Variants in GRIN2A observed in about 807,000 individuals in gnomAD.
GRIN2A encodes glutamate receptor ionotropic, NMDA 2A.
A neutral mutation model predicts 113.4 loss-of-function variants in GRIN2A; 22 were observed. The ratio of observed to expected loss-of-function variants is 0.19; its 90% CI spans 0.14 to 0.28. GRIN2A has a LOEUF of 0.28. Among genes scored for constraint, GRIN2A ranks in the 10% least tolerant of loss-of-function variants. The probability of loss-of-function intolerance (pLI) is 1.00; values close to 1 mark genes in which losing one functional copy is unlikely to be tolerated. For synonymous variants in GRIN2A, 827 were observed against 738.4 expected (o/e 1.12, Z -1.94); for missense variants, 1,502 against 1,887.0 (o/e 0.80, Z 3.78).
chr16:10,002,788 T>A (rs1206757940), intron 2 of GRIN2A, among the ~76,000 whole-genome samples: 1 of 152,236 alleles, frequency 6.6e-6, no homozygotes, highest in Non-Finnish European at 1.5e-5. Context: ...TGTGTTAAAA[T>A]CTTCCTATTT....
chr16:9,801,284 T>C (rs918064279), intron 10 of GRIN2A, among the ~76,000 whole-genome samples: 3 of 152,222 alleles, frequency 2.0e-5, no homozygotes, highest in African/African-American at 7.2e-5. Context: ...CATGGAGATA[T>C]AGAAACTTGG....
In GRIN2A at chr16:9,849,220, T is replaced by A. The variant is rs1311791765; in HGVS notation, c.1328+536A>T. On this transcript the variant is annotated intron_variant, in intron 5 of 12. Coordinates refer to ENST00000330684, the MANE Select transcript of GRIN2A (RefSeq NM_001134407.3). Reference sequence around the variant, plus strand: ...AAAATATATAATTTCTATATATTTATATATAATGTTTTATATTTTAATATA... The same window carrying A: ...AAAATATATAATTTCTATATATTTAAATATAATGTTTTATATTTTAATATA... Among the ~76,000 whole-genome samples the A allele has an allele frequency of 3.5e-5, 5 of 144,586 alleles. No individual in the cohort carries two copies. The East Asian group carries it at 7.8e-4, about 23-fold the overall frequency. 94.9% of individuals were successfully genotyped at this position (144,586 alleles called of 152,430 possible). A position where few individuals can be genotyped will look rare whatever the true frequency, so the allele number is the denominator to read the frequency against.
intron 2 of GRIN2A, among the ~76,000 whole-genome samples, chr16:10,007,949 CTT>C (rs1425608444): frequency 6.6e-6 from 1 of 152,162 alleles, no homozygotes; most frequent in Admixed American, 6.5e-5. Context: ...CATTCTACCT[CTT>C]TGAGCCTCTG....
intron 3 of GRIN2A, among the ~76,000 whole-genome samples, chr16:9,901,645 G>A (rs565423724): frequency 6.6e-6 from 1 of 152,070 alleles, no homozygotes; most frequent in African/African-American, 2.4e-5. Flanking sequence ...ATTTTTAGTA[G>A]AGAAGGGGTT....
At chr16:10,002,408 A>T (rs2046336518) in intron 2 of GRIN2A, among the ~76,000 whole-genome samples, 1 of 152,214 alleles carries the variant, frequency 6.6e-6, no homozygotes, top group Non-Finnish European at 1.5e-5. Context: ...CCCTAGGGAG[A>T]GCTGACCACA....
rs71157796 is a variant in GRIN2A at position 9,979,785 on chromosome 16, C to CTATATATATATATATATATATATATATA, written c.415-41235_415-41234insTATATATATATATATATATATATATATA. ...TATATACATATAAGGGACTATGGGA[C>CTATATATATATATATATATATATATATA]TATATATATATATATATATATATAT... On this transcript the variant is annotated intron_variant, in intron 2 of 12. Coordinates refer to ENST00000330684, the MANE Select transcript of GRIN2A (RefSeq NM_001134407.3). 1.0e-3 allele frequency among the ~76,000 whole-genome samples: 122 copies of CTATATATATATATATATATATATATATA among 122,250 alleles called. 1 individual carries two copies. The highest frequency in any genetic ancestry group is 4.7e-3 in the Middle Eastern group (1 of 212). The allele number at this position is 122,250 out of a possible 152,430, so 80.2% of individuals were successfully genotyped here.
At chr16:10,039,186 G>A (rs1229609043) in intron 2 of GRIN2A, among the ~76,000 whole-genome samples, 1 of 152,002 alleles carries the variant, frequency 6.6e-6, no homozygotes, top group Non-Finnish European at 1.5e-5. Context: ...GACAGTGAGT[G>A]GAAAAGAAAG....
At chr16:9,934,691 A>T (rs1487201903) in intron 3 of GRIN2A, among the ~76,000 whole-genome samples, 1 of 150,396 alleles carries the variant, frequency 6.6e-6, no homozygotes, top group Non-Finnish European at 1.5e-5. Flanking sequence ...AAAAAAAAAA[A>T]AAAAAAAAAA....
intron 2 of GRIN2A, among the ~76,000 whole-genome samples, chr16:10,041,085 A>T (rs1438911385): frequency 6.6e-6 from 1 of 152,280 alleles, no homozygotes; most frequent in African/African-American, 2.4e-5. Flanking sequence ...GCCAGATGTT[A>T]ATCAGCAGCA....
At chr16:10,140,728 G>C (rs2049310389) in intron 2 of GRIN2A, among the ~76,000 whole-genome samples, 1 of 152,156 alleles carries the variant, frequency 6.6e-6, no homozygotes, top group Non-Finnish European at 1.5e-5. Context: ...GGGCAAGTGA[G>C]GAAGAGGAGT....
At chr16:9,985,416 A>T (rs2045961473) in intron 2 of GRIN2A, among the ~76,000 whole-genome samples, 1 of 152,240 alleles carries the variant, frequency 6.6e-6, no homozygotes, top group Non-Finnish European at 1.5e-5. Flanking sequence ...AGCACTACTC[A>T]CAATAGCCAA....
intron 3 of GRIN2A, among the ~76,000 whole-genome samples, chr16:9,921,003 G>A (rs183706574): frequency 2.0e-5 from 3 of 152,226 alleles, no homozygotes; most frequent in Admixed American, 1.3e-4. Flanking sequence ...GTCCTCCTCA[G>A]GGGTGCACGA....
chr16:9,851,239 A>C (rs2042877586), intron 4 of GRIN2A, among the ~76,000 whole-genome samples: 1 of 152,178 alleles, frequency 6.6e-6, no homozygotes, highest in Admixed American at 6.5e-5. Context: ...ATAAAGAAAC[A>C]TTTCCTGTGG....
At chr16:10,147,636 C>CAA (rs35925963) in intron 2 of GRIN2A, among the ~76,000 whole-genome samples, 3 of 118,592 alleles carry the variant, frequency 2.5e-5, no homozygotes, top group Non-Finnish European at 5.2e-5. Context: ...GGCCCTGTCT[C>CAA]AAAAAAAAAA....
At chr16:9,781,056 G>A (rs1286892482) in intron 11 of GRIN2A, among the ~76,000 whole-genome samples, 1 of 149,334 alleles carries the variant, frequency 6.7e-6, no homozygotes, top group African/African-American at 2.5e-5. Context: ...AGGCCATACG[G>A]TCTCTATCAC....
intron 9 of GRIN2A, among the ~76,000 whole-genome samples, chr16:9,824,720 A>G (rs374784738): frequency 6.6e-6 from 1 of 152,256 alleles, no homozygotes; most frequent in East Asian, 1.9e-4. Context: ...CACTCCATGC[A>G]CATGTGTGAA....
At chr16:9,944,006 G>A (rs1309305612) in intron 2 of GRIN2A, among the ~76,000 whole-genome samples, 2 of 152,184 alleles carry the variant, frequency 1.3e-5, no homozygotes, top group Non-Finnish European at 2.9e-5. Flanking sequence ...GGCCTGATAA[G>A]TACTTGGGGA....
intron 2 of GRIN2A, among the ~76,000 whole-genome samples, chr16:10,035,968 C>T (rs961681344): frequency 2.0e-5 from 3 of 152,204 alleles, no homozygotes; most frequent in South Asian, 2.1e-4. Context: ...AAGTGATCCG[C>T]CTGCCTGGGC....
At chr16:10,032,177 G>A (rs2046941739) in intron 2 of GRIN2A, among the ~76,000 whole-genome samples, 1 of 152,192 alleles carries the variant, frequency 6.6e-6, no homozygotes. Flanking sequence ...CATATAGTAG[G>A]CTTTCAAGAA....
Sources: gnomAD v4.1 joint callset for allele counts (sites outside exome capture counted in the v4.1 genomes callset) on GRCh38, gnomAD v4.1.1 for gene constraint, MANE v1.5 for transcripts, NCBI Gene and HGNC (gene_info 2026-07-23, HGNC 2026-07-21) for gene names.